CELF2: variants seen among roughly 807,000 people sequenced by gnomAD.
CELF2 encodes CUG triplet repeat RNA-binding protein 2.
In CELF2, 8 loss-of-function variants were observed where a neutral mutation model predicts 62.6. The ratio of observed to expected loss-of-function variants is 0.13; its 90% CI spans 0.07 to 0.23. The LOEUF (loss-of-function observed/expected upper bound fraction) is 0.23, where lower values mean the gene tolerates loss of function less well. CELF2 is among the 10% of genes least tolerant of loss of function. CELF2 has a pLI of 1.00. For synonymous variants in CELF2, 258 were observed against 250.0 expected, an observed-to-expected ratio of 1.03 and a Z score of -0.30; for missense variants, 333 against 671.0, an observed-to-expected ratio of 0.50 and a Z score of 5.56.
chr10:11,178,847 C>T lies in CELF2; in HGVS notation c.271+13165C>T, dbSNP rs1428890343. Reference sequence around the variant, plus strand: ...CTATGAAAACCCATTGGTCGGGCTGCCCTAGCAACACAGAATGCTGTGCTG... The same window carrying T: ...CTATGAAAACCCATTGGTCGGGCTGTCCTAGCAACACAGAATGCTGTGCTG... On this transcript the variant is annotated intron_variant, in intron 2 of 12. Transcript: ENST00000633077. The surrounding 1 kb of genome is among the most constrained non-coding windows in gnomAD (Gnocchi z 4.3). Among the ~76,000 whole-genome samples the T allele has an allele frequency of 6.6e-6, 1 of 152,180 alleles. No homozygotes were observed. Among genetic ancestry groups the T allele is most frequent in the Non-Finnish European group, 1.5e-5 (1 of 68,034 alleles).
chr10:10,950,496 C>G (rs1444356629), intron 2 of CELF2, among the ~76,000 whole-genome samples: 5 of 152,060 alleles, frequency 3.3e-5, no homozygotes, highest in Non-Finnish European at 5.9e-5. Flanking sequence ...TCATTTTATT[C>G]TGTGTGTGCG....
At chr10:11,304,982 G>A (rs1014307045) in intron 9 of CELF2, among the ~76,000 whole-genome samples, 11 of 152,176 alleles carry the variant, frequency 7.2e-5, no homozygotes, top group Middle Eastern at 3.2e-3. Flanking sequence ...CAGGAATGGC[G>A]CTGTTTGAAC....
At chr10:10,858,951 T>C (rs1185494284) in intron 1 of CELF2, among the ~76,000 whole-genome samples, 2 of 152,206 alleles carry the variant, frequency 1.3e-5, no homozygotes, top group African/African-American at 4.8e-5. Context: ...GTGGTCTCTT[T>C]ATCTTTTGTA....
chr10:11,022,001 G>T (rs183135111), intron 1 of CELF2, among the ~76,000 whole-genome samples: 3 of 152,118 alleles, frequency 2.0e-5, no homozygotes, highest in Non-Finnish European at 2.9e-5. Flanking sequence ...GGTTTACAAG[G>T]TTCCAGCAAG....
At chr10:10,642,467 G>C in the CELF2 span, among the ~76,000 whole-genome samples, 1 of 152,188 alleles carries the variant, frequency 6.6e-6, no homozygotes, top group Admixed American at 6.5e-5. Context: ...TTTTAGCAAG[G>C]AGCAAGAGGA....
At chr10:10,837,918 C>G (rs7923878) in intron 1 of CELF2, among the ~76,000 whole-genome samples, 70,696 of 151,970 alleles carry the variant, frequency 0.47, 16,903 homozygotes, top group African/African-American at 0.58. Flanking sequence ...TTGCTAATAT[C>G]TTGTGTTAGT....
the CELF2 span, among the ~76,000 whole-genome samples, chr10:10,522,888 A>G: frequency 6.6e-6 from 1 of 152,130 alleles, no homozygotes; most frequent in Non-Finnish European, 1.5e-5. Flanking sequence ...GTTACTATTA[A>G]TCATATGTAA....
chr10:10,675,617 G>A, the CELF2 span, among the ~76,000 whole-genome samples: 1 of 150,390 alleles, frequency 6.6e-6, no homozygotes, highest in Non-Finnish European at 1.5e-5. Flanking sequence ...CTTTTTTTTA[G>A]TTTTCCTATA....
chr10:10,915,440 C>T (rs1256658410), intron 1 of CELF2, among the ~76,000 whole-genome samples: 1 of 152,124 alleles, frequency 6.6e-6, no homozygotes, highest in Admixed American at 6.5e-5. Flanking sequence ...AGATCTTGCT[C>T]TGTCACCCAG....
In CELF2 at chr10:10,982,906, GTT is replaced by G. The variant is rs60869262; in HGVS notation, c.89+62918_89+62919del. ...GCCTACTGGAAATTTTCTGGTGTGT[GTT>G]TTTTTTTTTTAATGTTTGCATTTTC... On this transcript the variant is annotated intron_variant, in intron 2 of 13. Coordinates refer to the CELF2 transcript ENST00000636488. Among the ~76,000 whole-genome samples the G allele has an allele frequency of 5.7e-5, 8 of 141,484 alleles. No homozygotes were observed. In the South Asian group the frequency reaches 6.5e-4, roughly 11 times the overall value. 92.8% of individuals were successfully genotyped at this position (141,484 alleles called of 152,430 possible). A position where few individuals can be genotyped will look rare whatever the true frequency, so the allele number is the denominator to read the frequency against.
At chr10:10,567,556 T>G in the CELF2 span, among the ~76,000 whole-genome samples, 5 of 152,044 alleles carry the variant, frequency 3.3e-5, no homozygotes, top group African/African-American at 9.7e-5. Context: ...TACTAGGAAC[T>G]CTTAAGGTGG....
At chr10:10,886,548 G>C (rs1045377956) in intron 1 of CELF2, among the ~76,000 whole-genome samples, 2 of 152,146 alleles carry the variant, frequency 1.3e-5, no homozygotes, top group Non-Finnish European at 2.9e-5. Flanking sequence ...CATTAAAAAA[G>C]GAAATGAAGC....
At chr10:10,887,774 ATT>A (rs1308333447) in intron 1 of CELF2, among the ~76,000 whole-genome samples, 18 of 139,174 alleles carry the variant, frequency 1.3e-4, no homozygotes, top group Non-Finnish European at 1.6e-4. Flanking sequence ...GTAGACTTTT[ATT>A]TTTTTTTTTT....
chr10:11,019,170 G>T (rs892780464), intron 1 of CELF2, among the ~76,000 whole-genome samples: 2 of 152,148 alleles, frequency 1.3e-5, no homozygotes, highest in Non-Finnish European at 2.9e-5. Flanking sequence ...GGATCTATTT[G>T]TATTTCAGGC....
At chr10:10,549,434 C>T in the CELF2 span, among the ~76,000 whole-genome samples, 1 of 152,216 alleles carries the variant, frequency 6.6e-6, no homozygotes, top group Non-Finnish European at 1.5e-5. Context: ...CAGGCACCCA[C>T]CACCACGCCT....
intron 2 of CELF2, among the ~76,000 whole-genome samples, chr10:11,208,371 G>A (rs2060945937): frequency 6.6e-6 from 1 of 152,222 alleles, no homozygotes; most frequent in East Asian, 1.9e-4. Flanking sequence ...AAGATACAGG[G>A]GAAATGGTAT....
intron 9 of CELF2, among the ~76,000 whole-genome samples, chr10:11,295,801 G>A (rs750865970): frequency 3.9e-5 from 6 of 152,104 alleles, no homozygotes; most frequent in Non-Finnish European, 7.4e-5. Context: ...ATTTGGCATT[G>A]ATCATCCTGC....
intron 5 of CELF2, among the ~76,000 whole-genome samples, chr10:11,263,423 T>C (rs2081293974): frequency 6.6e-6 from 1 of 152,170 alleles, no homozygotes; most frequent in African/African-American, 2.4e-5. Flanking sequence ...TATGGCTTCA[T>C]TATTTTGATA....
At chr10:10,917,507 T>G (rs2064458797) in intron 1 of CELF2, among the ~76,000 whole-genome samples, 2 of 151,808 alleles carry the variant, frequency 1.3e-5, no homozygotes, top group Non-Finnish European at 2.9e-5. Context: ...GAGCAGCTCA[T>G]TTTTCAAATG....
Sources: allele counts gnomAD v4.1 joint callset (sites outside exome capture counted in the v4.1 genomes callset), GRCh38; gene constraint gnomAD v4.1.1; non-coding constraint Gnocchi (gnomAD v3.1); transcripts MANE v1.5; gene names NCBI Gene and HGNC (gene_info 2026-07-23, HGNC 2026-07-21).